WDR81: variants seen among roughly 807,000 people sequenced by gnomAD.
WDR81 encodes the protein WD repeat domain 81, also known as WD repeat-containing protein 81.
Under a neutral mutation model 140.8 loss-of-function variants are expected in WDR81, and 92 were observed. The ratio of observed to expected loss-of-function variants is 0.65; its 90% CI spans 0.55 to 0.78. The LOEUF is 0.78. Among genes scored for constraint, WDR81 ranks in the 30% least tolerant of loss-of-function variants. The pLI, the probability that WDR81 is intolerant of heterozygous loss-of-function variation, is 0.00. For synonymous variants in WDR81, 1,183 were observed against 1,156.4 expected, an observed-to-expected ratio of 1.02 and a Z score of -0.47; for missense variants, 2,502 against 2,636.4, an observed-to-expected ratio of 0.95 and a Z score of 1.12.
Position 1,730,772 on chromosome 17 carries a change from T to C in WDR81, c.3793T>C (p.Phe1265Leu), listed in dbSNP as rs761129588. The C allele has an allele frequency of 4.3e-6, 7 of 1,610,882 alleles. No individual in the cohort carries two copies. The highest frequency in any genetic ancestry group is 5.9e-6 in the Non-Finnish European group (7 of 1,179,288). The change falls in exon 3 of 10, where the codon TTC (phenylalanine) becomes CTC (leucine). Residue 1265 changes from phenylalanine (F) to leucine (L), a missense_variant. Phe to Leu is a conservative substitution (Grantham distance 22). Coordinates refer to ENST00000409644, the MANE Select transcript of WDR81 (RefSeq NM_001163809.2). ...SCYVGPTRQQFTVSSGESPPL... is the reference protein window; with the variant it reads ...SCYVGPTRQQLTVSSGESPPL... ...CGTGGCAGGACCCACTCGGCAGCAGTTCACAGTGAGCAGTGGCGAGAGCCC... is the reference window on the plus strand; with the variant it reads ...CGTGGCAGGACCCACTCGGCAGCAGCTCACAGTGAGCAGTGGCGAGAGCCC...
In WDR81 at chr17:1,726,585, C is replaced by T. The variant is rs1200427498; in HGVS notation, c.1626C>T (p.His542=). The T allele has an allele frequency of 3.2e-6, 5 of 1,550,224 alleles. No individual in the cohort carries two copies. In the South Asian group the frequency reaches 3.6e-5, roughly 11 times the overall value. Residue 542 remains histidine, a synonymous_variant, in exon 1 of 10, where the codon CAC becomes CAT. Transcript: ENST00000409644. ...GCCGCGAGGTATCCCGGGACCTGCA[C>T]CATTGGATCGACCTCACGTTTGGCT... The part of the protein sequence containing the change: ...LESREVSRDL[H]HWIDLTFGYK...
At chr17:1,734,925 A>G (rs1050913652) in intron 7 of WDR81, among the ~76,000 whole-genome samples, 3 of 152,102 alleles carry the variant, frequency 2.0e-5, no homozygotes, top group African/African-American at 7.2e-5. Context: ...GGGAAGACAG[A>G]GGGAGGTGGC....
intron 4 of WDR81, 76 bp from the exon 5 acceptor site, chr17:1,732,245 TAAAA>T (rs1384687004): frequency 1.3e-6 from 2 of 1,551,000 alleles, no homozygotes; most frequent in Non-Finnish European, 1.7e-6. Flanking sequence ...TCAATAAAAA[TAAAA>T]ATAAATAAAG....
intron 1 of WDR81, 67 bp downstream of exon 1, chr17:1,728,693 G>A: frequency 7.0e-6 from 10 of 1,419,592 alleles, no homozygotes; most frequent in South Asian, 1.7e-5. Flanking sequence ...AGTGGTTCAC[G>A]CCTGTATTCC....
upstream of WDR81, among the ~76,000 whole-genome samples, chr17:1,720,514 C>T (rs773034580): frequency 2.8e-4 from 42 of 152,296 alleles, no homozygotes; most frequent in Non-Finnish European, 4.9e-4. Context: ...TGGTGGCTCA[C>T]GCCTGTAATT....
At position 1,725,819 on chromosome 17, in the gene WDR81, A is replaced by G; in HGVS notation, c.860A>G (p.Tyr287Cys). The change falls in exon 1 of 10, where the codon TAT (tyrosine) becomes TGT (cysteine). Residue 287 changes from tyrosine to cysteine, a missense_variant. By Grantham distance (194) the Tyr-to-Cys change is radical. This residue lies in a region of WDR81 where 547 missense variants were observed against 513.8 expected (regional missense o/e 1.06). Transcript: ENST00000409644. Reference protein sequence around the residue: ...QGLACGALSLYHIAVDEKLCS... With the variant: ...QGLACGALSLCHIAVDEKLCS... ...CTGGCGTGTGGGGCCCTGTCTTTGT[A>G]TCACATCGCAGTGGATGAGAAGCTT... 1 of 1,550,702 alleles carries G rather than the reference A, an allele frequency of 6.4e-7. No individual in the cohort carries two copies.
chr17:1,723,280 C>T (rs1170321006), upstream of WDR81, among the ~76,000 whole-genome samples: 4 of 152,122 alleles, frequency 2.6e-5, no homozygotes, highest in African/African-American at 4.8e-5. Flanking sequence ...CTCTGTGGTA[C>T]CGCAGAGGCC....
At chr17:1,718,119 T>TA (rs1397439402) in intron 1 of WDR81, among the ~76,000 whole-genome samples, 1 of 152,056 alleles carries the variant, frequency 6.6e-6, no homozygotes, top group Non-Finnish European at 1.5e-5. Flanking sequence ...TTATTTATTT[T>TA]TTTTTTTTCT....
Position 1,733,720 on chromosome 17 carries a change from C to A in WDR81, c.4683C>A (p.Ser1561Arg). ...ACGGCCACTCAGGGACCTTTGGGAG[C>A]GTCCTGGTGGGGAACCGCATTCAGA... ...QDDGHSGTFG[S>R]VLVGNRIQIP... Residue 1561 changes from serine to arginine, a missense_variant, in exon 7 of 10, where the codon AGC (serine) becomes AGA (arginine). Transcript: ENST00000409644. 6.2e-7 allele frequency: 1 copy of A among 1,612,636 alleles called. No individual in the cohort carries two copies. The highest frequency in any genetic ancestry group is 8.5e-7 in the Non-Finnish European group (1 of 1,179,848).
rs779905248 is a variant in WDR81, at chr17:1,724,991, C to T, written c.32C>T (p.Ala11Val). The T allele has an allele frequency of 3.5e-5, 51 of 1,464,394 alleles. No individual in the cohort carries two copies. Among genetic ancestry groups the T allele is most frequent in the Non-Finnish European group, 4.6e-5 (51 of 1,111,584 alleles). 90.7% of individuals were successfully genotyped at this position (1,464,394 alleles called of 1,614,324 possible). A position where few individuals can be genotyped will look rare whatever the true frequency, so the allele number is the denominator to read the frequency against. The change falls in exon 1 of 10, where the codon GCT becomes GTT. Residue 11 changes from alanine to valine, a missense_variant. By Grantham distance (64) the Ala-to-Val change is moderately conservative (BLOSUM62 0). Around this residue, in one of 3 missense-constraint regions of WDR81, gnomAD observed 547 missense variants for 513.8 expected, o/e 1.06. Transcript: ENST00000409644. MAQGSGGREG[A>V]LRTPAGGWHS... ...CAGGGCAGCGGGGGGCGGGAAGGCGCTCTCAGAACCCCGGCCGGGGGCTGG... is the reference window on the plus strand; with the variant it reads ...CAGGGCAGCGGGGGGCGGGAAGGCGTTCTCAGAACCCCGGCCGGGGGCTGG...
upstream of WDR81, among the ~76,000 whole-genome samples, chr17:1,720,473 G>A (rs963450257): frequency 1.3e-5 from 2 of 152,166 alleles, no homozygotes; most frequent in Non-Finnish European, 2.9e-5. Flanking sequence ...CCAGACTCCT[G>A]AATTAGAATT....
chr17:1,726,984 A>T lies in WDR81; in HGVS notation c.2025A>T (p.Ala675=). Residue 675 remains alanine (A), a synonymous_variant, in exon 1 of 10, where the codon GCA becomes GCT. Transcript: ENST00000409644. ...ALDSISLAGK[A]GDQLGSSSQA... ...ATTCCATTTCCCTTGCTGGGAAAGC[A>T]GGTGACCAGCTGGGCTCCTCCAGTC... 1 of 1,550,450 alleles carries T rather than the reference A, an allele frequency of 6.4e-7. No individual in the cohort carries two copies. Among genetic ancestry groups the T allele is most frequent in the Admixed American group, 2.0e-5 (1 of 51,012 alleles).
In WDR81 at chr17:1,727,052, C is replaced by T; in HGVS notation, c.2093C>T (p.Ser698Phe). ...CTCTCTTTCTCAGTGGCCTCAGCCT[C>T]CCGTCCAGGCCGCAGGAATAAAGCT... ...GLLSFSVASA[S>F]RPGRRNKAAG... Residue 698 changes from serine (S) to phenylalanine (F), a missense_variant, in exon 1 of 10, where the codon TCC (serine) becomes TTC (phenylalanine). By Grantham distance (155) the Ser-to-Phe change is radical. Around this residue, in one of 3 missense-constraint regions of WDR81, gnomAD observed 1,737 missense variants for 1,843.0 expected, o/e 0.94. Coordinates refer to ENST00000409644, the MANE Select transcript of WDR81 (RefSeq NM_001163809.2). The T allele has an allele frequency of 1.3e-6, 2 of 1,550,264 alleles. No individual in the cohort carries two copies. The highest frequency in any genetic ancestry group is 1.7e-6 in the Non-Finnish European group (2 of 1,146,890).
At position 1,735,624 on chromosome 17, in the gene WDR81, G is replaced by A. The variant is rs568543892; in HGVS notation, c.5232G>A (p.Ala1744=). The A allele has an allele frequency of 2.8e-5, 45 of 1,612,776 alleles. No homozygotes were observed. Among genetic ancestry groups the A allele is most frequent in the Middle Eastern group, 1.7e-4 (1 of 6,028 alleles). Residue 1744 remains alanine, a synonymous_variant, in exon 8 of 10, where the codon GCG becomes GCA. Coordinates refer to ENST00000409644, the MANE Select transcript of WDR81 (RefSeq NM_001163809.2). This position sits in a 1 kb window ranked among gnomAD's most constrained non-coding sequence, Gnocchi z 4.2. ...EPLDSRVPLT[A]VAVMPAPHTS... Reference sequence around the variant, plus strand: ...TGGACAGCCGGGTGCCCCTGACTGCGGTGGCTGTCATGCCCGCCCCCCACA... The same window carrying A: ...TGGACAGCCGGGTGCCCCTGACTGCAGTGGCTGTCATGCCCGCCCCCCACA...
chr17:1,734,123 C>T lies in WDR81; in HGVS notation c.5086C>T (p.His1696Tyr). 6.2e-7 allele frequency: 1 copy of T among 1,600,520 alleles called. No homozygotes were observed. The highest frequency in any genetic ancestry group is 8.5e-7 in the Non-Finnish European group (1 of 1,179,862). ...GGCCCCACGCCTCGTCTACACCCAG[C>T]ACCGCAAGAGCGTCTTCTTCGTGGG... ...ETAPRLVYTQHRKSVFFVGQL... is the reference protein window; with the variant it reads ...ETAPRLVYTQYRKSVFFVGQL... Residue 1696 changes from histidine to tyrosine, a missense_variant, in exon 7 of 10, where the codon CAC becomes TAC. His to Tyr is a moderately conservative substitution (Grantham distance 83, BLOSUM62 2). Around this residue, in one of 3 missense-constraint regions of WDR81, gnomAD observed 1,737 missense variants for 1,843.0 expected, o/e 0.94. Coordinates refer to ENST00000409644, the MANE Select transcript of WDR81 (RefSeq NM_001163809.2).
rs1008311491 is a variant in WDR81 at position 1,716,979 on chromosome 17, C to T, written c.-124+346C>T. 8.9e-5 allele frequency: 37 copies of T among 414,296 alleles called. 1 individual carries two copies. In the South Asian group the frequency reaches 9.8e-4, roughly 11 times the overall value. 25.7% of individuals were successfully genotyped at this position (414,296 alleles called of 1,614,324 possible). A position where few individuals can be genotyped will look rare whatever the true frequency, so the allele number is the denominator to read the frequency against. On this transcript the variant is annotated intron_variant, in intron 1 of 10. Transcript: ENST00000309182. ...ATGTCTCTTCCCAGTCCCAGAAGAG[C>T]CCCCAGAGCCTCCCAAGAGGTAGCT...
In WDR81 at chr17:1,731,199, C is replaced by T. The variant is rs762864786; in HGVS notation, c.4098C>T (p.Pro1366=). 1.5e-5 allele frequency: 25 copies of T among 1,613,482 alleles called. No individual in the cohort carries two copies. The African/African-American group carries it at 3.1e-4, about 20-fold the overall frequency. ...LSDTTLMDIL[P]RISHEVLLPV... The stretch of plus-strand genomic sequence containing the variant: ...ACACCACACTCATGGACATCCTGCC[C>T]CGGATCAGCCATGAGGTCCTGCTGC... Residue 1366 remains proline (P), a synonymous_variant, in exon 4 of 10, where the codon CCC becomes CCT. Transcript: ENST00000409644.
intron 1 of WDR81, among the ~76,000 whole-genome samples, chr17:1,719,556 G>GAA (rs546011340): frequency 0.013 from 1,731 of 129,242 alleles, 40 homozygotes; most frequent in African/African-American, 0.047. Flanking sequence ...CTCAAAAAAA[G>GAA]AAAAAAAAAA....
chr17:1,731,610 A>AT (rs1904354808), intron 4 of WDR81, among the ~76,000 whole-genome samples: 1 of 151,856 alleles, frequency 6.6e-6, no homozygotes, highest in Non-Finnish European at 1.5e-5. Flanking sequence ...CCTCTCTAAA[A>AT]ATATATATAA....
Sources: gnomAD v4.1 joint callset for allele counts (sites outside exome capture counted in the v4.1 genomes callset) on GRCh38, gnomAD v4.1.1 for gene constraint, gnomAD v4.1.1 regional missense constraint, Gnocchi (gnomAD v3.1) non-coding constraint, MANE v1.5 for transcripts, NCBI Gene and HGNC (gene_info 2026-07-23, HGNC 2026-07-21) for gene names.